The following METTL14 variants were observed in gnomAD, a reference collection of about 807,000 sequenced individuals.
METTL14 encodes the protein N(6)-adenosine-methyltransferase non-catalytic subunit METTL14.
Under a neutral mutation model 62.4 loss-of-function variants are expected in METTL14, and 32 were observed. The ratio of observed to expected loss-of-function variants is 0.51; its 90% CI spans 0.39 to 0.69. The LOEUF is 0.69. METTL14 is among the 30% of genes least tolerant of loss of function. The probability of loss-of-function intolerance (pLI) is 0.00; values close to 1 mark genes in which losing one functional copy is unlikely to be tolerated. For missense variants in METTL14, 340 were observed against 551.9 expected (o/e 0.62, Z 3.85); for synonymous variants, 150 against 180.0 (o/e 0.83, Z 1.34).
chr4:118,709,888 G>A (rs926706964), intron 10 of METTL14, 110 bp from the exon 11 acceptor site: 1 of 1,039,976 alleles, frequency 9.6e-7, no homozygotes, highest in African/African-American at 1.6e-5. Context: ...AGTATTGGAT[G>A]AATGATGGGG....
rs1293665670 is a variant in METTL14 at position 118,710,371 on chromosome 4, GACTTA to G, written c.*74_*78del. On this transcript the variant is annotated 3_prime_UTR_variant, in exon 11 of 11. Coordinates refer to ENST00000388822, the MANE Select transcript of METTL14 (RefSeq NM_020961.4). ...TATTGTAATTAAATTTCAAGTGGGAGACTTAACTTTAGAACTCACTTCCAGCTTGC... is the reference window on the plus strand; with the variant it reads ...TATTGTAATTAAATTTCAAGTGGGAGACTTTAGAACTCACTTCCAGCTTGC... The G allele has an allele frequency of 2.8e-6, 4 of 1,435,272 alleles. No homozygotes were observed. In the Admixed American group the frequency reaches 9.9e-5, roughly 35 times the overall value. 88.9% of individuals were successfully genotyped at this position (1,435,272 alleles called of 1,614,324 possible).
Position 118,711,975 on chromosome 4 carries a change from G to A in METTL14, c.*1673G>A, listed in dbSNP as rs1724935805. 1 of 152,176 alleles carries A rather than the reference G, an allele frequency of 6.6e-6. No homozygotes were observed. Among genetic ancestry groups the A allele is most frequent in the African/African-American group, 2.4e-5 (1 of 41,430 alleles). 9.4% of individuals were successfully genotyped at this position (152,176 alleles called of 1,614,324 possible). Reference sequence around the variant, plus strand: ...TGGCATAGGCACCTGTGAGATCAGTGTCACAATTTCATCTTAGAAAGAGGT... The same window carrying A: ...TGGCATAGGCACCTGTGAGATCAGTATCACAATTTCATCTTAGAAAGAGGT... On this transcript the variant is annotated 3_prime_UTR_variant, in exon 11 of 11. Transcript: ENST00000388822.
chr4:118,690,249 A>T (rs56039818), intron 3 of METTL14, among the ~76,000 whole-genome samples: 4,432 of 150,146 alleles, frequency 0.03, 216 homozygotes, highest in African/African-American at 0.1. Context: ...CATATTGGCC[A>T]GGCTCGTCTC....
chr4:118,705,938 C>T lies in METTL14; in HGVS notation c.1066+117C>T, dbSNP rs1724742975. The T allele has an allele frequency of 1.2e-5, 10 of 833,700 alleles. No homozygotes were observed. In the South Asian group the frequency reaches 1.7e-4, roughly 14 times the overall value. 51.6% of individuals were successfully genotyped at this position (833,700 alleles called of 1,614,324 possible). A position where few individuals can be genotyped will look rare whatever the true frequency, so the allele number is the denominator to read the frequency against. On this transcript the variant is annotated intron_variant, in intron 10 of 10. Coordinates refer to ENST00000388822, the MANE Select transcript of METTL14 (RefSeq NM_020961.4). ...GCATTTGATTCCTTTTCTTGCTGTA[C>T]TTCAAATATGAACAGTTTCAGGTCC...
rs1018217131 is a variant in METTL14, at chr4:118,697,196, A to G, written c.518A>G (p.Asp173Gly). The change falls in exon 7 of 11, where the codon GAT becomes GGT. Residue 173 changes from aspartate (D) to glycine (G), a missense_variant. Asp to Gly is a moderately conservative substitution (Grantham distance 94). Transcript: ENST00000388822. ...SNTPPMYLQA[D>G]IEAFDIRELT... ...TAATCAAATAGGTACTTACAAGCCG[A>G]TATAGAAGCCTTTGACATCAGAGAA... The G allele has an allele frequency of 3.7e-6, 6 of 1,605,454 alleles. No homozygotes were observed. Among genetic ancestry groups the G allele is most frequent in the South Asian group, 1.1e-5 (1 of 88,688 alleles).
intron 5 of METTL14, 82 bp from the exon 6 acceptor site, chr4:118,694,354 C>T: frequency 9.8e-7 from 1 of 1,022,978 alleles, no homozygotes; most frequent in East Asian, 2.5e-5. Context: ...ATTTTGTTTT[C>T]TTGGGAGGGC....
chr4:118,690,454 A>G (rs1012789022), intron 3 of METTL14, among the ~76,000 whole-genome samples: 4 of 151,998 alleles, frequency 2.6e-5, no homozygotes, highest in African/African-American at 7.2e-5. Flanking sequence ...CAAGATGTGC[A>G]GATCACTTGA....
At chr4:118,704,724 C>G (rs1265900507) in intron 9 of METTL14, among the ~76,000 whole-genome samples, 2 of 152,116 alleles carry the variant, frequency 1.3e-5, no homozygotes, top group African/African-American at 4.8e-5. Context: ...TTATGTGTCT[C>G]TTCCATCTGG....
Position 118,710,344 on chromosome 4 carries a change from T to C in METTL14, c.*42T>C. 1.3e-6 allele frequency: 2 copies of C among 1,517,776 alleles called. No individual in the cohort carries two copies. Among genetic ancestry groups the C allele is most frequent in the Non-Finnish European group, 8.8e-7 (1 of 1,131,934 alleles). 94.0% of individuals were successfully genotyped at this position (1,517,776 alleles called of 1,614,324 possible). ...ACCTATTCATCCTCCTCTAACCTTC[T>C]TTATTGTAATTAAATTTCAAGTGGG... On this transcript the variant is annotated 3_prime_UTR_variant, in exon 11 of 11. Transcript: ENST00000388822.
At chr4:118,706,752 T>A (rs991398527) in intron 10 of METTL14, among the ~76,000 whole-genome samples, 1 of 152,216 alleles carries the variant, frequency 6.6e-6, no homozygotes, top group Non-Finnish European at 1.5e-5. Context: ...GTGTTGTCAG[T>A]GTTCAGGATT....
In METTL14 at chr4:118,713,252, A is replaced by G. The variant is rs998097460; in HGVS notation, c.*2950A>G. On this transcript the variant is annotated 3_prime_UTR_variant, in exon 11 of 11. Transcript: ENST00000388822. ...TCTGAGGCCAGGTCAGTGATATGCT[A>G]TAGTTTCATTTAAGTTAATGGAGTA... 1 of 152,190 alleles carries G rather than the reference A, an allele frequency of 6.6e-6. No individual in the cohort carries two copies. The highest frequency in any genetic ancestry group is 2.1e-4 in the South Asian group (1 of 4,828). The allele number at this position is 152,190 out of a possible 1,614,324, so 9.4% of individuals were successfully genotyped here.
Position 118,712,367 on chromosome 4 carries a change from A to C in METTL14, c.*2065A>C, listed in dbSNP as rs1724944366. On this transcript the variant is annotated 3_prime_UTR_variant, in exon 11 of 11. Coordinates refer to ENST00000388822, the MANE Select transcript of METTL14 (RefSeq NM_020961.4). Reference sequence around the variant, plus strand: ...CATGGTGGCTCATGCCTGTAATCCCAGCACTTTGTGAGGCCGATGTGGGTG... The same window carrying C: ...CATGGTGGCTCATGCCTGTAATCCCCGCACTTTGTGAGGCCGATGTGGGTG... 1 of 152,260 alleles carries C rather than the reference A, an allele frequency of 6.6e-6. No individual in the cohort carries two copies. Among genetic ancestry groups the C allele is most frequent in the African/African-American group, 2.4e-5 (1 of 41,450 alleles). The allele number at this position is 152,260 out of a possible 1,614,324, so 9.4% of individuals were successfully genotyped here. A position where few individuals can be genotyped will look rare whatever the true frequency, so the allele number is the denominator to read the frequency against.
chr4:118,706,587 T>C (rs1724761707), intron 10 of METTL14, among the ~76,000 whole-genome samples: 1 of 152,232 alleles, frequency 6.6e-6, no homozygotes, highest in African/African-American at 2.4e-5. Context: ...TCAGCTCCTT[T>C]GGGTAAATAC....
rs1579081278 is a variant in METTL14, at chr4:118,714,361, A to G, written c.*4059A>G. ...CTCTTGGTCTCAGGCCATAGCAACT[A>G]TAGAGAGAAGAGTGGGGCTGGAGAC... On this transcript the variant is annotated 3_prime_UTR_variant, in exon 11 of 11. Coordinates refer to ENST00000388822, the MANE Select transcript of METTL14 (RefSeq NM_020961.4). The G allele has an allele frequency of 6.6e-6, 1 of 152,212 alleles. No homozygotes were observed. Among genetic ancestry groups the G allele is most frequent in the Non-Finnish European group, 1.5e-5 (1 of 68,038 alleles). The allele number at this position is 152,212 out of a possible 1,614,324, so 9.4% of individuals were successfully genotyped here.
intron 1 of METTL14, 138 bp from the exon 2 acceptor site, chr4:118,687,785 T>G (rs1724115282): frequency 3.3e-6 from 2 of 614,582 alleles, no homozygotes; most frequent in South Asian, 4.6e-5. Flanking sequence ...ATTAATTCAT[T>G]GTTTTGTGTG....
rs70941200 is a variant in METTL14 at position 118,690,035 on chromosome 4, C to CTTTTTT, written c.243+594_243+599dup. Among the ~76,000 whole-genome samples, 812 of 86,670 alleles carry CTTTTTT rather than the reference C, an allele frequency of 9.4e-3. 14 individuals carry two copies. Among genetic ancestry groups the CTTTTTT allele is most frequent in the East Asian group, 0.023 (62 of 2,678 alleles). The allele number at this position is 86,670 out of a possible 152,430, so 56.9% of individuals were successfully genotyped here. On this transcript the variant is annotated intron_variant, in intron 3 of 10. Transcript: ENST00000388822. Reference sequence around the variant, plus strand: ...CTGGTAAGAACTAGGTAATAATATTCTTTTTTTTTTTTTTTTTTTTTGTGA... The same window carrying CTTTTTT: ...CTGGTAAGAACTAGGTAATAATATTCTTTTTTTTTTTTTTTTTTTTTTTTTTTGTGA...
chr4:118,694,210 T>C (rs543136831), intron 5 of METTL14, among the ~76,000 whole-genome samples: 1 of 152,128 alleles, frequency 6.6e-6, no homozygotes, highest in East Asian at 1.9e-4. Context: ...AAGTGGCTTA[T>C]TGACTTGGAC....
At chr4:118,686,870 C>G (rs537936744) in intron 1 of METTL14, among the ~76,000 whole-genome samples, 1 of 152,314 alleles carries the variant, frequency 6.6e-6, no homozygotes, top group South Asian at 2.1e-4. Context: ...TGGTTGCACT[C>G]TACTTAGCCA....
chr4:118,692,773 G>T (rs917351521), intron 5 of METTL14, among the ~76,000 whole-genome samples: 2 of 151,796 alleles, frequency 1.3e-5, no homozygotes, highest in Non-Finnish European at 1.5e-5. Context: ...TAGAACATTT[G>T]CATCTCCCCT....
Sources: allele counts gnomAD v4.1 joint callset (sites outside exome capture counted in the v4.1 genomes callset), GRCh38; gene constraint gnomAD v4.1.1; transcripts MANE v1.5; gene names NCBI Gene and HGNC (gene_info 2026-07-23, HGNC 2026-07-21).